Variants in STON1 observed in about 807,000 individuals in gnomAD.
STON1 encodes the protein stonin 1.
A neutral mutation model predicts 60.9 loss-of-function variants in STON1; 79 were observed. That is an observed-to-expected ratio of 1.30 (90% CI 1.08 to 1.56). The LOEUF is 1.56. STON1 is among the 40% of genes most tolerant of loss of function. The probability of loss-of-function intolerance (pLI) is 0.00; values close to 1 mark genes in which losing one functional copy is unlikely to be tolerated. For missense variants in STON1, 1,166 were observed against 858.9 expected (o/e 1.36, Z -4.47); for synonymous variants, 363 against 306.9 (o/e 1.18, Z -1.91).
chr2:48,588,183 T>C (rs1487498934), intron 2 of STON1, among the ~76,000 whole-genome samples: 2 of 152,218 alleles, frequency 1.3e-5, no homozygotes, highest in African/African-American at 2.4e-5. Context: ...AGTGCTGATG[T>C]GACGCCAATG....
intron 1 of STON1, among the ~76,000 whole-genome samples, chr2:48,575,159 G>A (rs772791360): frequency 6.6e-6 from 1 of 152,210 alleles, no homozygotes; most frequent in Non-Finnish European, 1.5e-5. Flanking sequence ...ATAATGTGCT[G>A]AAGGTTAATC....
intron 1 of STON1, among the ~76,000 whole-genome samples, chr2:48,557,098 C>T (rs1338495169): frequency 4.8e-5 from 5 of 104,094 alleles, no homozygotes; most frequent in African/African-American, 1.8e-4. Context: ...CCCTCCCGGA[C>T]GGGGTGGCTG....
rs1673200178 is a variant in STON1, at chr2:48,571,331, TGG to T, written c.-47-9255_-47-9254del. ...CTTCAGAGGAAGGCAGCTGGGGACT[TGG>T]TGCCAGGAGTGTTTGGTTCCCAGCT... On this transcript the variant is annotated intron_variant, in intron 1 of 3. Transcript: ENST00000404752. 2.0e-5 allele frequency among the ~76,000 whole-genome samples: 3 copies of T among 152,166 alleles called. No individual in the cohort carries two copies. The South Asian group carries it at 6.2e-4, about 32-fold the overall frequency.
chr2:48,571,961 G>A (rs568490419), intron 1 of STON1, among the ~76,000 whole-genome samples: 23 of 152,196 alleles, frequency 1.5e-4, no homozygotes, highest in African/African-American at 4.8e-4. Context: ...TCAGGAGTTC[G>A]AGACCAGCCT....
At chr2:48,550,543 A>G (rs1285284627) in intron 1 of STON1, among the ~76,000 whole-genome samples, 1 of 148,820 alleles carries the variant, frequency 6.7e-6, no homozygotes, top group Non-Finnish European at 1.5e-5. Flanking sequence ...AGTGTTTCTT[A>G]TGAGGATATA....
Position 48,591,700 on chromosome 2 carries a change from G to T in STON1, c.1978G>T (p.Asp660Tyr). The T allele has an allele frequency of 6.2e-7, 1 of 1,614,072 alleles. No individual in the cohort carries two copies. Among genetic ancestry groups the T allele is most frequent in the South Asian group, 1.1e-5 (1 of 91,068 alleles). The change falls in exon 3 of 4, where the codon GAC (aspartate) becomes TAC (tyrosine). Residue 660 changes from aspartate to tyrosine, a missense_variant. By Grantham distance (160) the Asp-to-Tyr change is radical. Transcript: ENST00000404752. ...GTCATACAAATTAGAGCTTGGATCAGACCAAGAAATTCCCTCTGATTGGTA... is the reference window on the plus strand; with the variant it reads ...GTCATACAAATTAGAGCTTGGATCATACCAAGAAATTCCCTCTGATTGGTA... ...CLSYKLELGS[D>Y]QEIPSDWYPF... is the part of the protein sequence containing the mutation.
chr2:48,558,452 C>T (rs1345222502), intron 1 of STON1, among the ~76,000 whole-genome samples: 1 of 152,156 alleles, frequency 6.6e-6, no homozygotes, highest in Non-Finnish European at 1.5e-5. Context: ...TGGCCATGGA[C>T]AAACCAATAT....
chr2:48,555,505 C>G (rs1431652946), intron 1 of STON1, among the ~76,000 whole-genome samples: 1 of 84,896 alleles, frequency 1.2e-5, no homozygotes, highest in Non-Finnish European at 2.4e-5. Context: ...GGGGGCTGAC[C>G]CCCCCACCTC....
In STON1 at chr2:48,596,665, T is replaced by C. The variant is rs1280077128; in HGVS notation, c.*1363T>C. The C allele has an allele frequency of 2.6e-5, 4 of 152,150 alleles. No homozygotes were observed. The highest frequency in any genetic ancestry group is 7.2e-5 in the African/African-American group (3 of 41,428). The allele number at this position is 152,150 out of a possible 1,614,324, so 9.4% of individuals were successfully genotyped here. ...TTATGTGTTGGCCTACAGAGTTTAT[T>C]TCATGTGTTTTTTTTAATATTTAAT... is the stretch of plus-strand genomic sequence containing the variant. On this transcript the variant is annotated 3_prime_UTR_variant, in exon 4 of 4. Transcript: ENST00000404752.
In STON1 at chr2:48,582,419, A is replaced by T; in HGVS notation, c.1786A>T (p.Lys596Ter). Residue 596 changes from lysine to a stop codon, truncating the protein, a stop_gained, in exon 2 of 4, where the codon AAA becomes TAA. Coordinates refer to ENST00000404752, the MANE Select transcript of STON1 (RefSeq NM_006873.4). LOFTEE classifies it high-confidence loss of function. ...CCAGAGGCAGAAGTCTCTGAAAGCTAAAATGAACCGCCGAGCATGTCTGGG... is the reference window on the plus strand; with the variant it reads ...CCAGAGGCAGAAGTCTCTGAAAGCTTAAATGAACCGCCGAGCATGTCTGGG... ...NLQRQKSLKA[K>*]MNRRACLGSL... is the part of the protein sequence containing the mutation. The T allele has an allele frequency of 6.2e-7, 1 of 1,614,224 alleles. No individual in the cohort carries two copies. The highest frequency in any genetic ancestry group is 8.5e-7 in the Non-Finnish European group (1 of 1,180,042).
intron 1 of STON1, among the ~76,000 whole-genome samples, chr2:48,578,002 A>G (rs900091311): frequency 4.0e-5 from 6 of 150,260 alleles, no homozygotes; most frequent in Non-Finnish European, 5.9e-5. Context: ...TTTTTTTGAG[A>G]CGGAGTTTTG....
intron 1 of STON1, among the ~76,000 whole-genome samples, chr2:48,562,153 A>G (rs960551342): frequency 6.6e-6 from 1 of 152,158 alleles, no homozygotes; most frequent in Non-Finnish European, 1.5e-5. Context: ...GAGCCACCGC[A>G]CCTGGCCTCA....
chr2:48,593,462 A>G (rs1674638767), intron 3 of STON1, among the ~76,000 whole-genome samples: 1 of 152,250 alleles, frequency 6.6e-6, no homozygotes, highest in Admixed American at 6.5e-5. Flanking sequence ...CAAAAATTAA[A>G]TAGTGCATTA....
At chr2:48,564,406 T>C (rs974255161) in intron 1 of STON1, among the ~76,000 whole-genome samples, 7 of 17,844 alleles carry the variant, frequency 3.9e-4, no homozygotes, top group African/African-American at 5.8e-4. Context: ...AGTGGCGGTG[T>C]CTTCTTCTTC....
intron 1 of STON1, among the ~76,000 whole-genome samples, chr2:48,566,457 A>T (rs889131950): frequency 1.3e-5 from 2 of 150,922 alleles, no homozygotes; most frequent in African/African-American, 4.9e-5. Context: ...TAATTTTTGT[A>T]TTTTTAGTAG....
intron 1 of STON1, among the ~76,000 whole-genome samples, chr2:48,568,150 C>A (rs1331700804): frequency 1.2e-4 from 18 of 152,112 alleles, no homozygotes; most frequent in Admixed American, 1.2e-3. Flanking sequence ...TGGGCTGATA[C>A]CAGGAGGCTA....
chr2:48,547,608 C>T (rs886304941), intron 1 of STON1, among the ~76,000 whole-genome samples: 7 of 152,184 alleles, frequency 4.6e-5, no homozygotes, highest in Non-Finnish European at 1.0e-4. Flanking sequence ...CAGGGATATG[C>T]TGAAAATGTG....
Position 48,587,202 on chromosome 2 carries a change from G to A in STON1, c.1931-4451G>A, listed in dbSNP as rs1212251675. On this transcript the variant is annotated intron_variant, in intron 2 of 3. Transcript: ENST00000404752. ...GCAGCCGGGGTTGAGAACTACTGACGTGATCCCCTAGGCAGAGATCATTCC... is the reference window on the plus strand; with the variant it reads ...GCAGCCGGGGTTGAGAACTACTGACATGATCCCCTAGGCAGAGATCATTCC... Among the ~76,000 whole-genome samples, 22 of 152,288 alleles carry A rather than the reference G, an allele frequency of 1.4e-4. No homozygotes were observed. The East Asian group carries it at 3.7e-3, about 25-fold the overall frequency.
At chr2:48,548,523 A>C (rs1489796713) in intron 1 of STON1, among the ~76,000 whole-genome samples, 1 of 148,250 alleles carries the variant, frequency 6.7e-6, no homozygotes, top group Non-Finnish European at 1.5e-5. Context: ...TTCTTGAGAC[A>C]GGTCTCCCTC....
Sources: allele counts gnomAD v4.1 joint callset (sites outside exome capture counted in the v4.1 genomes callset), GRCh38; gene constraint gnomAD v4.1.1; transcripts MANE v1.5; gene names NCBI Gene and HGNC (gene_info 2026-07-23, HGNC 2026-07-21).